FHIP1A: variants seen among roughly 807,000 people sequenced by gnomAD.
FHIP1A encodes the protein FHF complex subunit HOOK-interacting protein 1A.
Under a neutral mutation model 88.6 loss-of-function variants are expected in FHIP1A, and 61 were observed. The ratio of observed to expected loss-of-function variants is 0.69; its 90% confidence interval spans 0.56 to 0.85. The LOEUF (loss-of-function observed/expected upper bound fraction) is 0.85. Among genes scored for constraint, FHIP1A ranks in the 40% least tolerant of loss-of-function variants. FHIP1A has a pLI of 0.00. For missense variants in FHIP1A, 1,154 were observed against 1,273.5 expected (o/e 0.91, Z 1.43); for synonymous variants, 478 against 496.0 (o/e 0.96, Z 0.48).
At chr4:151,659,711 C>T (rs764475853) in intron 13 of FHIP1A, among the ~76,000 whole-genome samples, 7 of 152,268 alleles carry the variant, frequency 4.6e-5, no homozygotes, top group East Asian at 1.9e-4. Context: ...TTATGAGGGG[C>T]GTAACTCAGG....
At position 151,447,671 on chromosome 4, in the gene FHIP1A, G is replaced by A. The variant is rs1234514776; in HGVS notation, c.-355-7030G>A. Among the ~76,000 whole-genome samples, 6 of 152,276 alleles carry A rather than the reference G, an allele frequency of 3.9e-5. 1 individual carries two copies. The East Asian group carries it at 7.7e-4, about 20-fold the overall frequency. On this transcript the variant is annotated intron_variant, in intron 1 of 13. Transcript: ENST00000435205. The stretch of plus-strand genomic sequence containing the variant: ...ACCCCCAATACCTCAGAATGTGATT[G>A]TATTTGAAAATGGGGGTTATTTAAA...
intron 3 of FHIP1A, among the ~76,000 whole-genome samples, chr4:151,553,978 A>G (rs1017016423): frequency 7.2e-5 from 11 of 152,268 alleles, no homozygotes; most frequent in Non-Finnish European, 1.2e-4. Context: ...CAAGCAAGGT[A>G]TTTATGCAGG....
chr4:151,428,483 G>A (rs534660807), intron 1 of FHIP1A, among the ~76,000 whole-genome samples: 4 of 151,702 alleles, frequency 2.6e-5, no homozygotes, highest in Admixed American at 2.0e-4. Flanking sequence ...TACTACATTC[G>A]TCTCTTAACT....
At chr4:151,415,948 T>TG (rs1046571457) in intron 1 of FHIP1A, among the ~76,000 whole-genome samples, 1 of 152,108 alleles carries the variant, frequency 6.6e-6, no homozygotes, top group African/African-American at 2.4e-5. Context: ...CATAGTGTTT[T>TG]TTTTTTTTTA....
chr4:151,620,298 A>C, intron 7 of FHIP1A, among the ~76,000 whole-genome samples: 1 of 152,162 alleles, frequency 6.6e-6, no homozygotes, highest in Admixed American at 6.5e-5. Flanking sequence ...AGGAAGAGGC[A>C]CCCTTCTCTA....
intron 7 of FHIP1A, among the ~76,000 whole-genome samples, chr4:151,592,141 T>A (rs959873895): frequency 6.9e-6 from 1 of 144,856 alleles, no homozygotes; most frequent in Non-Finnish European, 1.5e-5. Context: ...GTTTCCAGAC[T>A]TTTTTTTTTT....
chr4:151,527,607 G>T (rs149493136), intron 3 of FHIP1A, among the ~76,000 whole-genome samples: 2 of 152,048 alleles, frequency 1.3e-5, no homozygotes, highest in African/African-American at 4.8e-5. Context: ...CTTAACTGCT[G>T]GAAAATTGAC....
At chr4:151,624,524 G>C (rs1244312635) in intron 7 of FHIP1A, among the ~76,000 whole-genome samples, 2 of 152,164 alleles carry the variant, frequency 1.3e-5, no homozygotes, top group East Asian at 3.9e-4. Flanking sequence ...TTTTCTCCCA[G>C]AAGGCATAAA....
intron 2 of FHIP1A, among the ~76,000 whole-genome samples, chr4:151,460,761 A>G (rs1463658040): frequency 1.3e-5 from 2 of 152,206 alleles, no homozygotes; most frequent in Non-Finnish European, 2.9e-5. Context: ...TAAGATCATG[A>G]TAAGTATGGA....
chr4:151,669,873 A>C lies in FHIP1A; in HGVS notation c.*7119A>C, dbSNP rs1181732288. ...ACCTTTTGGGCTGGGGAAGAGGGGC[A>C]CCTTTCTCATCACTCTCAGGGAAGT... is the stretch of plus-strand genomic sequence containing the variant. On this transcript the variant is annotated 3_prime_UTR_variant, in exon 14 of 14. Transcript: ENST00000435205. 6.6e-6 allele frequency: 1 copy of C among 152,152 alleles called. No homozygotes were observed. The highest frequency in any genetic ancestry group is 2.1e-4 in the South Asian group (1 of 4,824). The allele number at this position is 152,152 out of a possible 1,614,324, so 9.4% of individuals were successfully genotyped here. A position where few individuals can be genotyped will look rare whatever the true frequency, so the allele number is the denominator to read the frequency against.
intron 7 of FHIP1A, among the ~76,000 whole-genome samples, chr4:151,614,559 A>G (rs1232017854): frequency 6.6e-6 from 1 of 152,146 alleles, no homozygotes; most frequent in Non-Finnish European, 1.5e-5. Flanking sequence ...AATTATTTGA[A>G]TATTGGAGAT....
chr4:151,573,803 G>C (rs148467761), intron 4 of FHIP1A, among the ~76,000 whole-genome samples: 1 of 152,072 alleles, frequency 6.6e-6, no homozygotes, highest in African/African-American at 2.4e-5. Context: ...CAGAAATATT[G>C]GAGTTTGATG....
Position 151,664,229 on chromosome 4 carries a change from G to T in FHIP1A, c.*1475G>T, listed in dbSNP as rs138693427. On this transcript the variant is annotated 3_prime_UTR_variant, in exon 14 of 14. Transcript: ENST00000435205. Reference sequence around the variant, plus strand: ...CCTGAGGGCAGCCACAGGTCTGGTGGTTGTGCCTCAGGAGCACTGGTTTGG... The same window carrying T: ...CCTGAGGGCAGCCACAGGTCTGGTGTTTGTGCCTCAGGAGCACTGGTTTGG... Among the ~76,000 whole-genome samples the T allele has an allele frequency of 9.5e-4, 145 of 152,358 alleles. No individual in the cohort carries two copies. The highest frequency in any genetic ancestry group is 3.4e-3 in the African/African-American group (140 of 41,590).
chr4:151,439,866 A>T (rs982736817), intron 1 of FHIP1A, among the ~76,000 whole-genome samples: 2 of 152,036 alleles, frequency 1.3e-5, no homozygotes, highest in African/African-American at 4.8e-5. Context: ...TCTTCCTTTT[A>T]TGTATTTTTC....
chr4:151,643,697 T>C (rs543274601), intron 9 of FHIP1A, among the ~76,000 whole-genome samples: 2 of 152,312 alleles, frequency 1.3e-5, no homozygotes, highest in South Asian at 4.1e-4. Flanking sequence ...TATTTGTCTT[T>C]TTGTGCCTGG....
chr4:151,490,742 A>T (rs202082488), intron 3 of FHIP1A, among the ~76,000 whole-genome samples: 4 of 34,300 alleles, frequency 1.2e-4, no homozygotes, highest in East Asian at 1.0e-3. Context: ...TAAAGAAATT[A>T]AAAAAAAAAA....
At chr4:151,629,623 A>G in intron 7 of FHIP1A, 79 bp from the exon 8 acceptor site, 1 of 1,309,426 alleles carries the variant, frequency 7.6e-7, no homozygotes, top group East Asian at 2.5e-5. Flanking sequence ...CACTGTGGTG[A>G]GGCTGGGGGC....
chr4:151,481,274 C>T (rs1209825211), intron 2 of FHIP1A, among the ~76,000 whole-genome samples: 4 of 151,820 alleles, frequency 2.6e-5, no homozygotes, highest in African/African-American at 7.3e-5. Context: ...TATTGTAACT[C>T]ATAACATTTC....
chr4:151,520,002 A>G (rs549224505), intron 3 of FHIP1A, among the ~76,000 whole-genome samples: 1 of 152,180 alleles, frequency 6.6e-6, no homozygotes, highest in South Asian at 2.1e-4. Flanking sequence ...TGTCAGATGT[A>G]TGTTTTGCGG....
Sources: gnomAD v4.1 joint callset for allele counts (sites outside exome capture counted in the v4.1 genomes callset) on GRCh38, gnomAD v4.1.1 for gene constraint, MANE v1.5 for transcripts, NCBI Gene and HGNC (gene_info 2026-07-23, HGNC 2026-07-21) for gene names.